Variants in C12orf56 observed in about 807,000 individuals in gnomAD.
The protein encoded by C12orf56 is chromosome 12 open reading frame 56.
Under a neutral mutation model 69.9 loss-of-function variants are expected in C12orf56, and 71 were observed. The observed-to-expected ratio is 1.02, with a 90% CI of 0.84 to 1.24. The LOEUF (loss-of-function observed/expected upper bound fraction) is 1.24, where lower values mean the gene tolerates loss of function less well. Among genes scored for constraint, C12orf56 ranks in the 50% most tolerant of loss-of-function variants. The pLI is 0.00. For synonymous variants in C12orf56, 276 were observed against 274.1 expected (o/e 1.01, Z -0.07); for missense variants, 732 against 738.5 (o/e 0.99, Z 0.10).
At chr12:64,299,379 C>T (rs575359027) in intron 6 of C12orf56, among the ~76,000 whole-genome samples, 3 of 152,248 alleles carry the variant, frequency 2.0e-5, no homozygotes, top group Non-Finnish European at 4.4e-5. Flanking sequence ...TTTCCTTCTC[C>T]ATTCACTTTG....
At chr12:64,308,932 GA>G (rs869227675) in intron 5 of C12orf56, among the ~76,000 whole-genome samples, 1,914 of 32,230 alleles carry the variant, frequency 0.059, 15 homozygotes, top group Non-Finnish European at 0.09. Flanking sequence ...AAGAAAGAAA[GA>G]AAGAAAGAAG....
At chr12:64,330,337 T>C (rs577008911) in intron 3 of C12orf56, among the ~76,000 whole-genome samples, 42 of 152,320 alleles carry the variant, frequency 2.8e-4, no homozygotes, top group African/African-American at 9.9e-4. Flanking sequence ...TTCAATCCCA[T>C]GGGGCTAACT....
At chr12:64,328,858 G>A (rs1178662416) in intron 3 of C12orf56, among the ~76,000 whole-genome samples, 1 of 150,732 alleles carries the variant, frequency 6.6e-6, no homozygotes, top group Non-Finnish European at 1.5e-5. Flanking sequence ...GAGGTCAAGA[G>A]TTTGAGATCA....
chr12:64,296,737 A>G (rs760569143), intron 6 of C12orf56, among the ~76,000 whole-genome samples: 1 of 152,208 alleles, frequency 6.6e-6, no homozygotes, highest in Non-Finnish European at 1.5e-5. Context: ...CTAATCCCCA[A>G]TGCAACAGTG....
chr12:64,312,886 A>C, intron 4 of C12orf56, 134 bp from the exon 5 acceptor site: 1 of 607,360 alleles, frequency 1.6e-6, no homozygotes, highest in Non-Finnish European at 2.8e-6. Flanking sequence ...AACTCATTCT[A>C]GTGTTTAATA....
chr12:64,378,287 A>G (rs534310950), intron 1 of C12orf56, among the ~76,000 whole-genome samples: 1 of 152,340 alleles, frequency 6.6e-6, no homozygotes, highest in South Asian at 2.1e-4. Flanking sequence ...GAAAAGTGGC[A>G]TGTATCAGTT....
chr12:64,315,890 C>A (rs889232855), intron 4 of C12orf56, among the ~76,000 whole-genome samples: 1 of 146,886 alleles, frequency 6.8e-6, no homozygotes, highest in Admixed American at 6.8e-5. Context: ...AAGATCGCAC[C>A]ATTGCAAGCC....
At chr12:64,387,603 G>A (rs185997168) in intron 1 of C12orf56, among the ~76,000 whole-genome samples, 3 of 152,186 alleles carry the variant, frequency 2.0e-5, no homozygotes, top group Middle Eastern at 3.4e-3. Flanking sequence ...TGGGTGGATC[G>A]TTTAAGCCCA....
At chr12:64,285,357 A>G (rs1383401022) in intron 7 of C12orf56, among the ~76,000 whole-genome samples, 3 of 152,192 alleles carry the variant, frequency 2.0e-5, no homozygotes, top group Non-Finnish European at 2.9e-5. Context: ...CAAAATGTCA[A>G]TGGTAAAAAA....
At chr12:64,293,653 C>T (rs2038326517) in intron 6 of C12orf56, among the ~76,000 whole-genome samples, 2 of 152,168 alleles carry the variant, frequency 1.3e-5, no homozygotes, top group African/African-American at 4.8e-5. Context: ...TTATGACCTC[C>T]CATCTGCTCA....
chr12:64,302,410 G>A (rs777696922), intron 6 of C12orf56, among the ~76,000 whole-genome samples: 1 of 152,076 alleles, frequency 6.6e-6, no homozygotes, highest in Non-Finnish European at 1.5e-5. Context: ...TGGAATAGTT[G>A]GTCACCCTAA....
chr12:64,308,944 A>AAAG (rs367810813), intron 5 of C12orf56, among the ~76,000 whole-genome samples: 51 of 46,698 alleles, frequency 1.1e-3, no homozygotes, highest in East Asian at 2.0e-3. Context: ...AAGAAAGAAG[A>AAAG]AAGAAAGAAA....
chr12:64,365,236 C>A (rs545525589), intron 1 of C12orf56, among the ~76,000 whole-genome samples: 21 of 148,428 alleles, frequency 1.4e-4, no homozygotes, highest in Admixed American at 1.4e-4. Context: ...GCGATCTCGG[C>A]TCACTGCAAC....
At chr12:64,342,768 C>G (rs1302862579) in intron 2 of C12orf56, among the ~76,000 whole-genome samples, 1 of 152,208 alleles carries the variant, frequency 6.6e-6, no homozygotes, top group Non-Finnish European at 1.5e-5. Flanking sequence ...AGGCCAAGAG[C>G]TGTTTCTCAA....
intron 1 of C12orf56, among the ~76,000 whole-genome samples, chr12:64,380,134 ACAAAAC>A (rs2039699529): frequency 2.4e-5 from 1 of 41,994 alleles, no homozygotes; most frequent in African/African-American, 6.5e-5. Flanking sequence ...AAAAAAAAAA[ACAAAAC>A]AAACAAAAAA....
intron 6 of C12orf56, among the ~76,000 whole-genome samples, chr12:64,297,604 A>G (rs1184960118): frequency 1.3e-5 from 2 of 151,522 alleles, no homozygotes; most frequent in Non-Finnish European, 2.9e-5. Context: ...TCATTGTTCA[A>G]CTCCCACTTA....
chr12:64,366,235 T>C (rs906528396), intron 1 of C12orf56, among the ~76,000 whole-genome samples: 1 of 118,314 alleles, frequency 8.5e-6, no homozygotes, highest in African/African-American at 3.4e-5. Flanking sequence ...TTATATATAA[T>C]ATACAGTTTA....
At chr12:64,326,719 G>A (rs995746260) in intron 3 of C12orf56, among the ~76,000 whole-genome samples, 5 of 140,392 alleles carry the variant, frequency 3.6e-5, no homozygotes, top group African/African-American at 5.4e-5. Context: ...CAGCCTGGGC[G>A]ACGGAGCTAG....
intron 2 of C12orf56, among the ~76,000 whole-genome samples, chr12:64,344,164 T>G (rs2039111098): frequency 6.6e-6 from 1 of 152,106 alleles, no homozygotes; most frequent in Non-Finnish European, 1.5e-5. Flanking sequence ...ACAGTTACCC[T>G]GCTAAAAGGT....
Sources: gnomAD v4.1 joint callset for allele counts (sites outside exome capture counted in the v4.1 genomes callset) on GRCh38, gnomAD v4.1.1 for gene constraint, MANE v1.5 for transcripts, NCBI Gene and HGNC (gene_info 2026-07-23, HGNC 2026-07-21) for gene names.